Variants in ADAMTSL1 observed in about 807,000 individuals in gnomAD.
The protein encoded by ADAMTSL1 is ADAMTS like 1, also known as ADAMTS-like protein 1.
Under a neutral mutation model 201.8 loss-of-function variants are expected in ADAMTSL1, and 126 were observed. The observed-to-expected ratio is 0.62, with a 90% CI of 0.54 to 0.72. The LOEUF is 0.72. ADAMTSL1 is among the 30% of genes least tolerant of loss of function. The pLI is 0.00. For synonymous variants in ADAMTSL1, 1,121 were observed against 903.4 expected (o/e 1.24, Z -4.32); for missense variants, 2,679 against 2,277.8 (o/e 1.18, Z -3.59).
At chr9:18,518,381 T>G (rs1818490319) in intron 2 of ADAMTSL1, among the ~76,000 whole-genome samples, 1 of 152,206 alleles carries the variant, frequency 6.6e-6, no homozygotes, top group African/African-American at 2.4e-5. Context: ...AGCTCCTGCT[T>G]ATAGGTGAAA....
intron 3 of ADAMTSL1, among the ~76,000 whole-genome samples, chr9:18,555,511 A>G (rs749649844): frequency 3.3e-5 from 5 of 151,962 alleles, no homozygotes; most frequent in Non-Finnish European, 7.4e-5. Flanking sequence ...GATGAATGTT[A>G]TTTAGCATTC....
At chr9:18,751,265 C>G (rs1819454093) in intron 15 of ADAMTSL1, among the ~76,000 whole-genome samples, 1 of 152,200 alleles carries the variant, frequency 6.6e-6, no homozygotes, top group African/African-American at 2.4e-5. Flanking sequence ...GCCAGCTTCT[C>G]TTCTTCTATT....
intron 2 of ADAMTSL1, chr9:18,362,142 C>G (rs1402550386): frequency 6.6e-6 from 1 of 152,126 alleles, no homozygotes; most frequent in Non-Finnish European, 1.5e-5. Context: ...GTTCTGACAC[C>G]AGTGGGCACA....
At chr9:18,355,056 A>G (rs942883828) in intron 2 of ADAMTSL1, among the ~76,000 whole-genome samples, 24 of 152,164 alleles carry the variant, frequency 1.6e-4, no homozygotes, top group African/African-American at 5.8e-4. Context: ...CTTCATGCTG[A>G]GTTCCAGGGA....
intron 6 of ADAMTSL1, 85 bp from the exon 7 acceptor site, chr9:18,639,169 C>G: frequency 7.4e-7 from 1 of 1,350,856 alleles, no homozygotes; most frequent in Non-Finnish European, 1.0e-6. Context: ...CCTTACCTAG[C>G]TCTAAACATT....
chr9:18,284,084 G>A (rs1399190518), intron 2 of ADAMTSL1, among the ~76,000 whole-genome samples: 1 of 150,844 alleles, frequency 6.6e-6, no homozygotes, highest in Non-Finnish European at 1.5e-5. Flanking sequence ...TAGAAAATTA[G>A]CTGGGCGTGG....
intron 2 of ADAMTSL1, among the ~76,000 whole-genome samples, chr9:18,362,496 T>A (rs960706678): frequency 7.2e-5 from 11 of 152,248 alleles, no homozygotes; most frequent in Non-Finnish European, 4.4e-5. Flanking sequence ...GAGAGAAGTA[T>A]ATTGAATAGC....
chr9:18,290,281 A>AT (rs35411626), intron 2 of ADAMTSL1, among the ~76,000 whole-genome samples: 24,725 of 147,744 alleles, frequency 0.17, 2,287 homozygotes, highest in Non-Finnish European at 0.22. Context: ...AGGGGATTAG[A>AT]TTTTTTTTTT....
chr9:18,161,198 A>G (rs938534034), intron 1 of ADAMTSL1, among the ~76,000 whole-genome samples: 2 of 152,036 alleles, frequency 1.3e-5, no homozygotes, highest in South Asian at 2.1e-4. Context: ...TTGGCTGTTT[A>G]TTCTTCATTG....
intron 2 of ADAMTSL1, among the ~76,000 whole-genome samples, chr9:18,231,307 C>A (rs765928430): frequency 1.3e-5 from 2 of 152,158 alleles, no homozygotes; most frequent in Non-Finnish European, 2.9e-5. Context: ...TCACCCCTAC[C>A]ACACTACCAA....
chr9:17,980,650 C>G (rs944382521), intron 1 of ADAMTSL1, among the ~76,000 whole-genome samples: 45 of 151,816 alleles, frequency 3.0e-4, no homozygotes, highest in African/African-American at 1.0e-3. Context: ...GAGGGTAGAG[C>G]CTTCAGGAAT....
chr9:18,066,257 A>G (rs1473514282), intron 1 of ADAMTSL1, among the ~76,000 whole-genome samples: 1 of 152,174 alleles, frequency 6.6e-6, no homozygotes, highest in Non-Finnish European at 1.5e-5. Flanking sequence ...TGACACAGAA[A>G]CTGAAGCACC....
intron 1 of ADAMTSL1, among the ~76,000 whole-genome samples, chr9:18,029,670 G>C (rs948538221): frequency 2.5e-4 from 38 of 151,876 alleles, no homozygotes. Flanking sequence ...CTAATATCCA[G>C]AATCTACAAT....
chr9:18,667,346 T>C (rs766378117), intron 9 of ADAMTSL1, among the ~76,000 whole-genome samples: 8 of 151,832 alleles, frequency 5.3e-5, no homozygotes, highest in Non-Finnish European at 1.0e-4. Flanking sequence ...AGAACAAGTG[T>C]TATGTGTAGT....
chr9:18,871,896 CCGTCTTCAGG>C (rs1040554266), intron 23 of ADAMTSL1, among the ~76,000 whole-genome samples: 4 of 152,150 alleles, frequency 2.6e-5, no homozygotes, highest in Non-Finnish European at 5.9e-5. Flanking sequence ...ATACCACTTC[CCGTCTTCAGG>C]CGTCTTCAGG....
chr9:18,709,578 G>T (rs1230817552), intron 14 of ADAMTSL1, among the ~76,000 whole-genome samples: 1 of 152,178 alleles, frequency 6.6e-6, no homozygotes, highest in Non-Finnish European at 1.5e-5. Context: ...TCCCTGAGCT[G>T]TCATCAAATA....
chr9:18,103,638 A>G (rs1391665186), intron 1 of ADAMTSL1, among the ~76,000 whole-genome samples: 5 of 152,220 alleles, frequency 3.3e-5, no homozygotes, highest in African/African-American at 7.2e-5. Flanking sequence ...GCTATAAAGT[A>G]TCTATCATTG....
chr9:18,794,743 C>T (rs1822289707), intron 19 of ADAMTSL1, among the ~76,000 whole-genome samples: 1 of 152,082 alleles, frequency 6.6e-6, no homozygotes, highest in African/African-American at 2.4e-5. Context: ...AAGTGATTCT[C>T]TCACCTCAGC....
rs117697602 is a variant in ADAMTSL1 at position 18,701,740 on chromosome 9, T to C, written c.1575-5007T>C. Reference sequence around the variant, plus strand: ...ACTTCCTGCATGTTTCAATTTGCATTTTTAAATTAGGGCATGAAACTAGTG... The same window carrying C: ...ACTTCCTGCATGTTTCAATTTGCATCTTTAAATTAGGGCATGAAACTAGTG... On this transcript the variant is annotated intron_variant, in intron 13 of 28. Coordinates refer to ENST00000380548, the MANE Select transcript of ADAMTSL1 (RefSeq NM_001040272.6). Among the ~76,000 whole-genome samples, 29 of 152,286 alleles carry C rather than the reference T, an allele frequency of 1.9e-4. 1 individual carries two copies. The East Asian group carries it at 5.6e-3, about 29-fold the overall frequency.
Sources: gnomAD v4.1 joint callset for allele counts (sites outside exome capture counted in the v4.1 genomes callset) on GRCh38, gnomAD v4.1.1 for gene constraint, MANE v1.5 for transcripts, NCBI Gene and HGNC (gene_info 2026-07-23, HGNC 2026-07-21) for gene names.